Variants in TAF2 observed in about 807,000 individuals in gnomAD.
The protein encoded by TAF2 is transcription initiation factor TFIID subunit 2.
TAF2 carries 61 observed loss-of-function variants against 138.5 expected under a neutral mutation model. The ratio of observed to expected loss-of-function variants is 0.44; its 90% CI spans 0.36 to 0.54. TAF2 has a LOEUF of 0.54. Ranked by LOEUF, TAF2 falls within the 20% of genes least tolerant of loss-of-function variation. The pLI is 0.00. For missense variants in TAF2, 1,090 were observed against 1,427.9 expected (o/e 0.76, Z 3.81); for synonymous variants, 475 against 469.9 (o/e 1.01, Z -0.14).
Position 119,791,763 on chromosome 8 carries a change from A to C in TAF2, c.1278-304T>G, listed in dbSNP as rs558862298. ...CAATACAATCAGTGCAATTCCAATC[A>C]ATATCCCAACATTGAAGCATGCACT... On this transcript the variant is annotated intron_variant, in intron 10 of 25. Coordinates refer to ENST00000378164, the MANE Select transcript of TAF2 (RefSeq NM_003184.4). The C allele has an allele frequency of 1.3e-5, 3 of 238,654 alleles. No homozygotes were observed. The East Asian group carries it at 2.6e-4, about 21-fold the overall frequency. 14.8% of individuals were successfully genotyped at this position (238,654 alleles called of 1,614,324 possible). A position where few individuals can be genotyped will look rare whatever the true frequency, so the allele number is the denominator to read the frequency against.
At chr8:119,760,817 C>T in intron 19 of TAF2, 79 bp from the exon 20 acceptor site, 2 of 1,581,770 alleles carry the variant, frequency 1.3e-6, no homozygotes, top group Non-Finnish European at 1.7e-6. Context: ...TTAGAGAATC[C>T]TTTGTGGCAA....
intron 2 of TAF2, among the ~76,000 whole-genome samples, chr8:119,825,361 T>A (rs1343999206): frequency 6.6e-6 from 1 of 152,250 alleles, no homozygotes; most frequent in East Asian, 1.9e-4. Flanking sequence ...ACTAACTTGC[T>A]TTTGATTTCA....
intron 22 of TAF2, among the ~76,000 whole-genome samples, chr8:119,749,378 CA>C (rs1820195587): frequency 6.6e-6 from 1 of 152,080 alleles, no homozygotes; most frequent in African/African-American, 2.4e-5. Flanking sequence ...AATGAACTTA[CA>C]TATTAAAATT....
chr8:119,802,111 T>C, intron 5 of TAF2, 86 bp from the exon 6 acceptor site: 1 of 1,184,528 alleles, frequency 8.4e-7, no homozygotes, highest in African/African-American at 1.5e-5. Flanking sequence ...TTAGCATTTC[T>C]AGAAAATGAA....
intron 18 of TAF2, among the ~76,000 whole-genome samples, chr8:119,772,697 G>A (rs1821930553): frequency 1.3e-5 from 2 of 152,058 alleles, no homozygotes; most frequent in Non-Finnish European, 2.9e-5. Flanking sequence ...AGCACTTTGG[G>A]AGGCCAAGGT....
chr8:119,807,591 G>T (rs1252502831), intron 3 of TAF2, among the ~76,000 whole-genome samples: 1 of 152,202 alleles, frequency 6.6e-6, no homozygotes, highest in African/African-American at 2.4e-5. Context: ...GGTGAAATTA[G>T]TGACATTCCT....
chr8:119,742,484 T>C (rs781320216), intron 25 of TAF2, 50 bp downstream of exon 25: 17 of 1,596,200 alleles, frequency 1.1e-5, no homozygotes, highest in South Asian at 5.6e-5. Context: ...ATTACATTTA[T>C]AGATTTGTTC....
rs1822613889 is a variant in TAF2, at chr8:119,781,030, G to A, written c.2253+23C>T. 5 of 1,605,184 alleles carry A rather than the reference G, an allele frequency of 3.1e-6. No individual in the cohort carries two copies. In the South Asian group the frequency reaches 5.5e-5, roughly 18 times the overall value. The stretch of plus-strand genomic sequence containing the variant: ...AAACTGAAATATATAAAAACCATGA[G>A]AAAATTAGAAAGTAAACTGTACCTT... On this transcript the variant is annotated intron_variant, in intron 17 of 25. Transcript: ENST00000378164.
At chr8:119,745,036 C>T (rs1339556207) in intron 23 of TAF2, 1 of 456,068 alleles carries the variant, frequency 2.2e-6, no homozygotes, top group Non-Finnish European at 4.4e-6. Context: ...TGATCATCTT[C>T]CTGCGGCAAT....
rs554599038 is a variant in TAF2, at chr8:119,811,821, A to T, written c.300-5420T>A. On this transcript the variant is annotated intron_variant, in intron 3 of 25. Transcript: ENST00000378164. ...ACTCCGTCTCAAAAAAAAAAAAAAAAAAAAAAATAACCAAAACAAAATTTA... is the reference window on the plus strand; with the variant it reads ...ACTCCGTCTCAAAAAAAAAAAAAAATAAAAAAATAACCAAAACAAAATTTA... 4.4e-4 allele frequency among the ~76,000 whole-genome samples: 66 copies of T among 151,702 alleles called. 1 individual carries two copies. The South Asian group carries it at 0.012, about 27-fold the overall frequency.
intron 17 of TAF2, among the ~76,000 whole-genome samples, chr8:119,779,279 C>CACACACA (rs1822477036): frequency 6.6e-6 from 1 of 151,444 alleles, no homozygotes; most frequent in South Asian, 2.1e-4. Context: ...CACACACACA[C>CACACACA]ACTTCAGATG....
intron 11 of TAF2, among the ~76,000 whole-genome samples, chr8:119,790,465 C>G (rs964144209): frequency 2.2e-4 from 33 of 151,446 alleles, no homozygotes; most frequent in African/African-American, 7.5e-4. Flanking sequence ...CAAAAAAAGG[C>G]AAGGTGAAGG....
chr8:119,815,651 C>T (rs757145655), intron 3 of TAF2, among the ~76,000 whole-genome samples: 28 of 151,826 alleles, frequency 1.8e-4, no homozygotes, highest in Non-Finnish European at 2.8e-4. Flanking sequence ...GGAAAAAAAG[C>T]TAGGTTACCC....
chr8:119,772,807 G>A (rs551714342), intron 18 of TAF2, among the ~76,000 whole-genome samples: 4 of 151,600 alleles, frequency 2.6e-5, no homozygotes, highest in South Asian at 2.1e-4. Flanking sequence ...CGTGGTGGCA[G>A]ACACCTATAA....
chr8:119,791,502 T>C, intron 10 of TAF2, 43 bp from the exon 11 acceptor site: 1 of 1,585,552 alleles, frequency 6.3e-7, no homozygotes, highest in Non-Finnish European at 8.6e-7. Flanking sequence ...CAAATGTGAC[T>C]ATTAAATAAA....
intron 11 of TAF2, among the ~76,000 whole-genome samples, chr8:119,790,523 T>TA (rs908083998): frequency 3.3e-5 from 5 of 152,046 alleles, no homozygotes; most frequent in African/African-American, 7.2e-5. Context: ...TAAAATGCTT[T>TA]AAAAAAAGCA....
rs554484518 is a variant in TAF2 at position 119,741,884 on chromosome 8, G to GC, written c.3337+649dup. Among the ~76,000 whole-genome samples, 416 of 152,310 alleles carry GC rather than the reference G, an allele frequency of 2.7e-3. 2 individuals are homozygous for GC. The highest frequency in any genetic ancestry group is 5.1e-3 in the Non-Finnish European group (346 of 68,028). ...ATCTTTGTTTCACGGTAGTTCATCA[G>GC]CATCAAATGTTTGCACTTCATTTGG... On this transcript the variant is annotated intron_variant, in intron 25 of 25. Transcript: ENST00000378164.
At chr8:119,768,554 T>C (rs1821606629) in intron 18 of TAF2, among the ~76,000 whole-genome samples, 1 of 152,242 alleles carries the variant, frequency 6.6e-6, no homozygotes, top group Non-Finnish European at 1.5e-5. Context: ...TTTTTGAATG[T>C]ATTGAGACTT....
At chr8:119,750,094 C>G (rs1049564951) in intron 22 of TAF2, among the ~76,000 whole-genome samples, 1 of 152,166 alleles carries the variant, frequency 6.6e-6, no homozygotes, top group Admixed American at 6.5e-5. Context: ...GCTATTAAAA[C>G]TGATCAACTA....
Sources: allele counts gnomAD v4.1 joint callset (sites outside exome capture counted in the v4.1 genomes callset), GRCh38; gene constraint gnomAD v4.1.1; transcripts MANE v1.5; gene names NCBI Gene and HGNC (gene_info 2026-07-23, HGNC 2026-07-21).